MAP2K1: variants seen among roughly 807,000 people sequenced by gnomAD.
The protein encoded by MAP2K1 is mitogen-activated protein kinase kinase 1, also known as dual specificity mitogen-activated protein kinase kinase 1.
Under a neutral mutation model 46.3 loss-of-function variants are expected in MAP2K1, and 16 were observed. The observed-to-expected ratio is 0.35, with a 90% CI of 0.23 to 0.52. The LOEUF (loss-of-function observed/expected upper bound fraction) is 0.52. MAP2K1 is among the 20% of genes least tolerant of loss of function. MAP2K1 has a pLI of 0.94. For missense variants in MAP2K1, 263 were observed against 497.1 expected (o/e 0.53, Z 4.48); for synonymous variants, 183 against 185.6 (o/e 0.99, Z 0.11).
chr15:66,420,978 TA>T (rs1567003505), intron 1 of MAP2K1, among the ~76,000 whole-genome samples: 2 of 81,156 alleles, frequency 2.5e-5, no homozygotes, highest in African/African-American at 7.4e-5. Flanking sequence ...CACACATACA[TA>T]CACACACATA....
At chr15:66,431,373 T>C (rs1473796253) in intron 1 of MAP2K1, among the ~76,000 whole-genome samples, 1 of 152,228 alleles carries the variant, frequency 6.6e-6, no homozygotes, top group Admixed American at 6.5e-5. Flanking sequence ...ATTATTGATA[T>C]CTTTTTAATG....
intron 1 of MAP2K1, among the ~76,000 whole-genome samples, chr15:66,434,808 A>G (rs2140577789): frequency 6.6e-6 from 1 of 152,310 alleles, no homozygotes; most frequent in South Asian, 2.1e-4. Context: ...ATAAATGAGG[A>G]AATTGAAGCC....
In MAP2K1 at chr15:66,443,323, T is replaced by C. The variant is rs2140598095; in HGVS notation, c.482T>C (p.Ile161Thr). The C allele has an allele frequency of 5.6e-6, 9 of 1,613,248 alleles. No individual in the cohort carries two copies. Among genetic ancestry groups the C allele is most frequent in the Non-Finnish European group, 7.6e-6 (9 of 1,179,204 alleles). The change falls in exon 4 of 11, where the codon ATT becomes ACT. Residue 161 changes from isoleucine to threonine, a missense_variant. By Grantham distance (89) the Ile-to-Thr change is moderately conservative (BLOSUM62 -1). Coordinates refer to ENST00000307102, the MANE Select transcript of MAP2K1 (RefSeq NM_002755.4). ...LDQVLKKAGR[I>T]PEQILGKVSI... ...CAAGTCCTGAAGAAAGCTGGAAGAATTCCTGAACAAATTTTAGGAAAAGTT... is the reference window on the plus strand; with the variant it reads ...CAAGTCCTGAAGAAAGCTGGAAGAACTCCTGAACAAATTTTAGGAAAAGTT...
intron 1 of MAP2K1, among the ~76,000 whole-genome samples, chr15:66,428,630 C>T (rs1379173460): frequency 6.6e-6 from 1 of 152,076 alleles, no homozygotes; most frequent in Non-Finnish European, 1.5e-5. Context: ...AAAACATTTT[C>T]ACAGAAACAC....
chr15:66,439,362 T>C (rs1166059655), intron 3 of MAP2K1, among the ~76,000 whole-genome samples: 1 of 152,238 alleles, frequency 6.6e-6, no homozygotes, highest in Non-Finnish European at 1.5e-5. Flanking sequence ...CTGGGCATGG[T>C]GGCTTACACC....
At chr15:66,428,512 A>C (rs1487842879) in intron 1 of MAP2K1, among the ~76,000 whole-genome samples, 1 of 152,034 alleles carries the variant, frequency 6.6e-6, no homozygotes, top group Non-Finnish European at 1.5e-5. Flanking sequence ...TTGTTCTCTT[A>C]AGGTTTTCAA....
chr15:66,401,969 G>T, intron 1 of MAP2K1: 2 of 1,344,512 alleles, frequency 1.5e-6, no homozygotes, highest in Non-Finnish European at 2.0e-6. Flanking sequence ...TGGTTTTGTG[G>T]TTCCAGGCTG....
chr15:66,454,449 A>G (rs1892112944), intron 5 of MAP2K1, among the ~76,000 whole-genome samples: 1 of 152,258 alleles, frequency 6.6e-6, no homozygotes, highest in Non-Finnish European at 1.5e-5. Context: ...ATTAATACAT[A>G]CAAAGCACTT....
chr15:66,453,541 A>C (rs757570035), intron 5 of MAP2K1: 1 of 702,352 alleles, frequency 1.4e-6, no homozygotes, highest in Non-Finnish European at 2.6e-6. Context: ...AGCAAGCAGC[A>C]CAGTGAGTAG....
At position 66,403,301 on chromosome 15, in the gene MAP2K1, A is replaced by G. The variant is rs181775682; in HGVS notation, c.80+15874A>G. ...AAATTATTTTCAAGTAATTATCTGA[A>G]GCTCTAGAAAAGGTTACCCCTCTAT... is the stretch of plus-strand genomic sequence containing the variant. On this transcript the variant is annotated intron_variant, in intron 1 of 10. Coordinates refer to ENST00000307102, the MANE Select transcript of MAP2K1 (RefSeq NM_002755.4). 2.0e-5 allele frequency among the ~76,000 whole-genome samples: 3 copies of G among 152,252 alleles called. No individual in the cohort carries two copies. In the East Asian group the frequency reaches 5.8e-4, roughly 29 times the overall value.
chr15:66,427,710 T>C (rs2093462735), intron 1 of MAP2K1, among the ~76,000 whole-genome samples: 2 of 151,838 alleles, frequency 1.3e-5, no homozygotes, highest in Admixed American at 1.3e-4. Flanking sequence ...AACCTGAAGC[T>C]TAAGGCTTTT....
At chr15:66,420,257 C>CGAATGAATGAAT in intron 1 of MAP2K1, among the ~76,000 whole-genome samples, 1 of 148,842 alleles carries the variant, frequency 6.7e-6, no homozygotes, top group African/African-American at 2.5e-5. Flanking sequence ...AATGAATGAA[C>CGAATGAATGAAT]GAATGAATGA....
intron 1 of MAP2K1, among the ~76,000 whole-genome samples, chr15:66,402,404 T>C (rs1401542730): frequency 6.6e-6 from 1 of 152,236 alleles, no homozygotes; most frequent in African/African-American, 2.4e-5. Flanking sequence ...TATCCATCTG[T>C]TGTATTTTCA....
intron 1 of MAP2K1, among the ~76,000 whole-genome samples, chr15:66,391,103 C>G (rs1050979165): frequency 6.8e-6 from 1 of 147,628 alleles, no homozygotes; most frequent in Non-Finnish European, 1.5e-5. Flanking sequence ...GTTGCCCAGG[C>G]TGGTTCTTGA....
At chr15:66,467,313 G>C (rs1892492737) in intron 5 of MAP2K1, among the ~76,000 whole-genome samples, 1 of 152,164 alleles carries the variant, frequency 6.6e-6, no homozygotes, top group African/African-American at 2.4e-5. Flanking sequence ...CTGACTCCAT[G>C]TTGCTTCTAA....
intron 1 of MAP2K1, among the ~76,000 whole-genome samples, chr15:66,412,613 T>C (rs1332188074): frequency 6.6e-6 from 1 of 152,252 alleles, no homozygotes; most frequent in Non-Finnish European, 1.5e-5. Context: ...ATACTTAGAT[T>C]GCATCCTGGT....
chr15:66,446,145 G>A (rs1227362226), intron 5 of MAP2K1, among the ~76,000 whole-genome samples: 1 of 152,024 alleles, frequency 6.6e-6, no homozygotes, highest in Non-Finnish European at 1.5e-5. Flanking sequence ...GCTTGAACCC[G>A]GGAGGCAGAG....
intron 1 of MAP2K1, among the ~76,000 whole-genome samples, chr15:66,388,694 C>A (rs1306005519): frequency 6.6e-6 from 1 of 150,982 alleles, no homozygotes; most frequent in African/African-American, 2.4e-5. Flanking sequence ...TTTTAATAAC[C>A]CGGGGACCTG....
intron 1 of MAP2K1, among the ~76,000 whole-genome samples, chr15:66,421,255 C>G (rs546571770): frequency 6.6e-6 from 1 of 151,826 alleles, no homozygotes; most frequent in Non-Finnish European, 1.5e-5. Flanking sequence ...TCTGCCTTGG[C>G]CCCCCAAGTA....
Sources: gnomAD v4.1 joint callset for allele counts (sites outside exome capture counted in the v4.1 genomes callset) on GRCh38, gnomAD v4.1.1 for gene constraint, MANE v1.5 for transcripts, NCBI Gene and HGNC (gene_info 2026-07-23, HGNC 2026-07-21) for gene names.